SAMMSON: variants seen among roughly 807,000 people sequenced by gnomAD.
SAMMSON encodes the protein long intergenic non-protein coding RNA 1212.
chr3:70,322,257 T>C (rs926425283), intron 7 of SAMMSON, among the ~76,000 whole-genome samples: 4 of 152,156 alleles, frequency 2.6e-5, no homozygotes, highest in Non-Finnish European at 5.9e-5. Flanking sequence ...GAGGTATGAT[T>C]ATGCTTAAGG....
chr3:70,249,776 A>G (rs1403556310), intron 6 of SAMMSON: 1 of 152,258 alleles, frequency 6.6e-6, no homozygotes, highest in East Asian at 1.9e-4. Flanking sequence ...TTATTTTGTT[A>G]AGATTAGAGT....
At chr3:70,036,083 A>T (rs773086844) in intron 3 of SAMMSON, among the ~76,000 whole-genome samples, 6 of 152,188 alleles carry the variant, frequency 3.9e-5, no homozygotes, top group Non-Finnish European at 8.8e-5. Flanking sequence ...TTTTTAAGCT[A>T]AATGATGATT....
At chr3:70,433,277 A>G (rs1222594765) in intron 2 of SAMMSON, among the ~76,000 whole-genome samples, 3 of 152,164 alleles carry the variant, frequency 2.0e-5, no homozygotes, top group Admixed American at 6.5e-5. Context: ...CATTCCTACA[A>G]GAAATGAGTA....
At chr3:70,104,687 T>C (rs2067360056) in intron 4 of SAMMSON, among the ~76,000 whole-genome samples, 1 of 152,204 alleles carries the variant, frequency 6.6e-6, no homozygotes. Flanking sequence ...CATAAGTTTT[T>C]AGAACACCTC....
intron 9 of SAMMSON, among the ~76,000 whole-genome samples, chr3:70,369,861 A>G (rs1247135243): frequency 5.9e-5 from 9 of 151,810 alleles, no homozygotes; most frequent in Admixed American, 5.9e-4. Flanking sequence ...TATATAGTAC[A>G]TTGTTATGAA....
At chr3:70,202,657 C>A (rs974414856) in intron 4 of SAMMSON, among the ~76,000 whole-genome samples, 3 of 152,126 alleles carry the variant, frequency 2.0e-5, no homozygotes, top group African/African-American at 4.8e-5. Context: ...GCACAGTCAA[C>A]AGTGGTGTTT....
chr3:70,107,073 G>A (rs1173222859), intron 4 of SAMMSON, among the ~76,000 whole-genome samples: 1 of 152,182 alleles, frequency 6.6e-6, no homozygotes, highest in Admixed American at 6.6e-5. Flanking sequence ...GAAATAGAAT[G>A]TTGAATAAGG....
chr3:70,204,646 C>G (rs951521195), intron 4 of SAMMSON: 1 of 150,098 alleles, frequency 6.7e-6, no homozygotes, highest in Admixed American at 6.7e-5. Flanking sequence ...GAGTAGTCAG[C>G]TATTTTCTTT....
At chr3:70,043,983 T>C (rs2067114855) in intron 3 of SAMMSON, among the ~76,000 whole-genome samples, 1 of 152,088 alleles carries the variant, frequency 6.6e-6, no homozygotes, top group Non-Finnish European at 1.5e-5. Flanking sequence ...TCCTTTTTTG[T>C]TTCAAAATGT....
chr3:70,402,976 T>G (rs1031627846), intron 2 of SAMMSON, among the ~76,000 whole-genome samples: 1 of 152,146 alleles, frequency 6.6e-6, no homozygotes, highest in African/African-American at 2.4e-5. Flanking sequence ...ATATATTTTC[T>G]TAATCAATAT....
chr3:70,131,068 G>C (rs2067480556), intron 4 of SAMMSON, among the ~76,000 whole-genome samples: 1 of 152,134 alleles, frequency 6.6e-6, no homozygotes, highest in Admixed American at 6.5e-5. Context: ...GTATAAAATA[G>C]GGTACTTTTT....
At chr3:70,039,939 A>G (rs1225285309) in intron 3 of SAMMSON, among the ~76,000 whole-genome samples, 2 of 152,172 alleles carry the variant, frequency 1.3e-5, no homozygotes, top group Admixed American at 1.3e-4. Context: ...AGTGAAGTTG[A>G]TGGCCCTTCA....
chr3:70,418,255 C>G (rs886316780), intron 2 of SAMMSON, among the ~76,000 whole-genome samples: 4 of 152,180 alleles, frequency 2.6e-5, no homozygotes, highest in Non-Finnish European at 4.4e-5. Context: ...AAGCCCAATC[C>G]ACCTAATATT....
At chr3:70,154,089 A>G (rs549527946) in intron 4 of SAMMSON, among the ~76,000 whole-genome samples, 1 of 151,348 alleles carries the variant, frequency 6.6e-6, no homozygotes, top group Non-Finnish European at 1.5e-5. Flanking sequence ...ACTCCTTGAA[A>G]CTGACTTTTT....
intron 4 of SAMMSON, among the ~76,000 whole-genome samples, chr3:70,080,694 T>A (rs1399419284): frequency 6.8e-6 from 1 of 147,756 alleles, no homozygotes; most frequent in African/African-American, 2.5e-5. Flanking sequence ...CTGACTCCGT[T>A]TTTTTTTTTT....
intron 4 of SAMMSON, among the ~76,000 whole-genome samples, chr3:70,208,380 C>T (rs1035827853): frequency 6.6e-6 from 1 of 152,084 alleles, no homozygotes; most frequent in African/African-American, 2.4e-5. Context: ...ATCTTTATTT[C>T]CCTTTCCAAG....
At chr3:70,318,486 G>T (rs1702511521) in intron 7 of SAMMSON, among the ~76,000 whole-genome samples, 1 of 151,910 alleles carries the variant, frequency 6.6e-6, no homozygotes, top group Admixed American at 6.6e-5. Flanking sequence ...GTGTGAGTGT[G>T]TGTGTGTAGT....
intron 4 of SAMMSON, among the ~76,000 whole-genome samples, chr3:70,191,681 G>A (rs1701132084): frequency 6.6e-6 from 1 of 152,110 alleles, no homozygotes; most frequent in Admixed American, 6.5e-5. Flanking sequence ...CTTTGATATA[G>A]CCATAGTATT....
rs377095435 is a variant in SAMMSON at position 70,035,710 on chromosome 3, A to G, written n.417+22038A>G. 1.1e-4 allele frequency among the ~76,000 whole-genome samples: 17 copies of G among 152,326 alleles called. No homozygotes were observed. In the East Asian group the frequency reaches 3.3e-3, roughly 29 times the overall value. On this transcript the variant is annotated intron_variant and non_coding_transcript_variant, in intron 3 of 9. Coordinates refer to ENST00000642114, the Ensembl canonical transcript of SAMMSON. ...AAAAAATTTAGGAGGCAGGCTGGTG[A>G]TAACCTTTCAACTGATGATAGCGGG... is the stretch of plus-strand genomic sequence containing the variant.
Sources: gnomAD v4.1 joint callset for allele counts (sites outside exome capture counted in the v4.1 genomes callset) on GRCh38, gnomAD v4.1.1 for gene constraint, MANE v1.5 for transcripts, NCBI Gene and HGNC (gene_info 2026-07-23, HGNC 2026-07-21) for gene names.